LINGO2: variants seen among roughly 807,000 people sequenced by gnomAD.
LINGO2 encodes leucine rich repeat and Ig domain containing 2.
A neutral mutation model predicts 30.6 loss-of-function variants in LINGO2; 14 were observed. The observed-to-expected ratio is 0.46, with a 90% CI of 0.30 to 0.72. The LOEUF (loss-of-function observed/expected upper bound fraction) is 0.72, where lower values mean the gene tolerates loss of function less well. Among genes scored for constraint, LINGO2 ranks in the 30% least tolerant of loss-of-function variants. The pLI, the probability that LINGO2 is intolerant of heterozygous loss-of-function variation, is 0.07. For synonymous variants in LINGO2, 317 were observed against 288.5 expected (o/e 1.10, Z -1.00); for missense variants, 729 against 751.7 (o/e 0.97, Z 0.35).
intron 1 of LINGO2, among the ~76,000 whole-genome samples, chr9:28,638,304 G>A (rs1032984540): frequency 4.6e-5 from 7 of 152,178 alleles, no homozygotes; most frequent in Non-Finnish European, 7.4e-5. Flanking sequence ...TCCCTGTCAC[G>A]CTTTGTTATC....
At chr9:28,777,316 C>T in the LINGO2 span, among the ~76,000 whole-genome samples, 2 of 152,116 alleles carry the variant, frequency 1.3e-5, no homozygotes, top group Non-Finnish European at 2.9e-5. Flanking sequence ...GAAAGGGAGG[C>T]ATAGAAACTT....
intron 3 of LINGO2, among the ~76,000 whole-genome samples, chr9:28,327,478 T>C (rs1825271441): frequency 6.6e-6 from 1 of 152,228 alleles, no homozygotes; most frequent in Admixed American, 6.5e-5. Flanking sequence ...AAAATCTCTC[T>C]CATTTTTATC....
At chr9:28,677,606 C>T in the LINGO2 span, among the ~76,000 whole-genome samples, 2 of 152,158 alleles carry the variant, frequency 1.3e-5, no homozygotes, top group African/African-American at 2.4e-5. Context: ...CACACTCTCA[C>T]CTTCAACTAT....
the LINGO2 span, among the ~76,000 whole-genome samples, chr9:28,846,370 T>A: frequency 6.6e-6 from 1 of 151,572 alleles, no homozygotes; most frequent in South Asian, 2.1e-4. Flanking sequence ...CAAGTTGGGA[T>A]TAATTTATTT....
At chr9:28,873,611 T>C in the LINGO2 span, among the ~76,000 whole-genome samples, 5 of 152,108 alleles carry the variant, frequency 3.3e-5, no homozygotes, top group Admixed American at 3.3e-4. Context: ...ATGAAGGCTG[T>C]TGGTTGTGAT....
chr9:29,093,746 G>A, the LINGO2 span, among the ~76,000 whole-genome samples: 2 of 136,486 alleles, frequency 1.5e-5, no homozygotes, highest in African/African-American at 5.5e-5. Flanking sequence ...TCATCTTTAG[G>A]TAGAATAAAG....
intron 1 of LINGO2, among the ~76,000 whole-genome samples, chr9:28,585,288 C>T (rs1824473300): frequency 1.3e-5 from 2 of 152,010 alleles, no homozygotes; most frequent in Middle Eastern, 3.4e-3. Flanking sequence ...GGAGCATGAC[C>T]AATTTGGAAA....
At chr9:28,246,726 C>T (rs572254611) in intron 4 of LINGO2, among the ~76,000 whole-genome samples, 1 of 152,162 alleles carries the variant, frequency 6.6e-6, no homozygotes, top group South Asian at 2.1e-4. Flanking sequence ...CCAGAAGCAA[C>T]TGTAACAAAA....
intron 4 of LINGO2, among the ~76,000 whole-genome samples, chr9:28,047,524 G>T (rs1824480585): frequency 6.6e-6 from 1 of 150,838 alleles, no homozygotes; most frequent in Non-Finnish European, 1.5e-5. Context: ...TTAAGAGCAT[G>T]GCCTTCAAAG....
the LINGO2 span, among the ~76,000 whole-genome samples, chr9:29,012,272 A>T: frequency 2.0e-5 from 3 of 151,992 alleles, no homozygotes; most frequent in Non-Finnish European, 4.4e-5. Context: ...ACAGGAACAT[A>T]GCTTGAACCC....
rs573913189 is a variant in LINGO2, at chr9:28,353,996, C to A, written c.-246+18840G>T. ...GGAAGGGGAATATCACACTCTGGGGCCTGTTGTGGGGTGGGTGAGGGGGCA... is the reference window on the plus strand; with the variant it reads ...GGAAGGGGAATATCACACTCTGGGGACTGTTGTGGGGTGGGTGAGGGGGCA... On this transcript the variant is annotated intron_variant, in intron 3 of 5. Coordinates refer to ENST00000379992, the Ensembl canonical transcript of LINGO2. Among the ~76,000 whole-genome samples, 217 of 152,096 alleles carry A rather than the reference C, an allele frequency of 1.4e-3. 1 individual carries two copies. Among genetic ancestry groups the A allele is most frequent in the African/African-American group, 5.1e-3 (210 of 41,480 alleles).
At chr9:28,844,570 G>A in the LINGO2 span, among the ~76,000 whole-genome samples, 32 of 151,702 alleles carry the variant, frequency 2.1e-4, 1 homozygote, top group African/African-American at 7.8e-4. Context: ...TTCTTTTCAT[G>A]TTCCATCCTG....
intron 4 of LINGO2, among the ~76,000 whole-genome samples, chr9:28,215,066 A>G (rs1324273782): frequency 6.6e-6 from 1 of 151,646 alleles, no homozygotes; most frequent in Non-Finnish European, 1.5e-5. Flanking sequence ...CTCATGGTTT[A>G]TTGGCCATAA....
the LINGO2 span, among the ~76,000 whole-genome samples, chr9:28,680,340 ATT>A: frequency 3.3e-5 from 5 of 151,962 alleles, no homozygotes; most frequent in Admixed American, 2.0e-4. Context: ...GTATATTTAT[ATT>A]TTCTTTATTC....
chr9:28,217,795 G>C lies in LINGO2; in HGVS notation c.-87+77413C>G, dbSNP rs1047720393. Among the ~76,000 whole-genome samples, 3 of 151,902 alleles carry C rather than the reference G, an allele frequency of 2.0e-5. No homozygotes were observed. In the East Asian group the frequency reaches 5.8e-4, roughly 29 times the overall value. ...GAAAGTATATGACTTCATGAAATAG[G>C]AACTGCTTTTAAAGTGCAGGATCAA... On this transcript the variant is annotated intron_variant, in intron 4 of 5. Coordinates refer to ENST00000379992, the Ensembl canonical transcript of LINGO2.
At chr9:28,300,091 A>C (rs1824079182) in intron 3 of LINGO2, among the ~76,000 whole-genome samples, 2 of 150,778 alleles carry the variant, frequency 1.3e-5, no homozygotes, top group South Asian at 4.2e-4. Context: ...TTTTGAAAGC[A>C]ACAGATGACC....
intron 4 of LINGO2, among the ~76,000 whole-genome samples, chr9:28,260,795 T>A (rs965993873): frequency 2.0e-5 from 3 of 152,006 alleles, no homozygotes; most frequent in Non-Finnish European, 4.4e-5. Flanking sequence ...TAGGGTAGCT[T>A]CTTCCTTTAG....
intron 1 of LINGO2, among the ~76,000 whole-genome samples, chr9:28,588,080 T>A (rs1681567046): frequency 6.6e-6 from 1 of 151,950 alleles, no homozygotes; most frequent in Non-Finnish European, 1.5e-5. Flanking sequence ...CAGATACAAA[T>A]CCGGAGGAAA....
intron 1 of LINGO2, among the ~76,000 whole-genome samples, chr9:28,525,403 C>T (rs750040561): frequency 6.6e-5 from 10 of 152,060 alleles, no homozygotes; most frequent in Non-Finnish European, 1.5e-4. Context: ...AAAGTGGAAA[C>T]AACCCAAATT....
Sources: gnomAD v4.1 joint callset for allele counts (sites outside exome capture counted in the v4.1 genomes callset) on GRCh38, gnomAD v4.1.1 for gene constraint, MANE v1.5 for transcripts, NCBI Gene and HGNC (gene_info 2026-07-23, HGNC 2026-07-21) for gene names.